The following ZMAT4 variants were observed in gnomAD, a reference collection of about 807,000 sequenced individuals.
ZMAT4 encodes zinc finger matrin-type 4.
A neutral mutation model predicts 28.7 loss-of-function variants in ZMAT4; 17 were observed. The ratio of observed to expected loss-of-function variants is 0.59; its 90% CI spans 0.41 to 0.89. The LOEUF (loss-of-function observed/expected upper bound fraction) is 0.89, where lower values mean the gene tolerates loss of function less well. Among genes scored for constraint, ZMAT4 ranks in the 40% least tolerant of loss-of-function variants. ZMAT4 has a pLI of 0.00. For synonymous variants in ZMAT4, 117 were observed against 109.2 expected (o/e 1.07, Z -0.44); for missense variants, 240 against 283.8 (o/e 0.85, Z 1.11).
At chr8:40,581,441 T>C (rs1020423401) in intron 5 of ZMAT4, among the ~76,000 whole-genome samples, 180 bp from the exon 6 acceptor site, 4 of 152,198 alleles carry the variant, frequency 2.6e-5, no homozygotes, top group African/African-American at 4.8e-5. Context: ...AGTGTAATTA[T>C]GAATATGTTA....
At chr8:40,616,503 T>C (rs552057235) in intron 5 of ZMAT4, among the ~76,000 whole-genome samples, 5 of 152,250 alleles carry the variant, frequency 3.3e-5, no homozygotes, top group Admixed American at 3.3e-4. Flanking sequence ...CCATCAATGA[T>C]AGACTGGATT....
At chr8:40,766,627 G>A (rs138536276) in intron 3 of ZMAT4, among the ~76,000 whole-genome samples, 1,791 of 152,318 alleles carry the variant, frequency 0.012, 15 homozygotes, top group Middle Eastern at 0.054. Context: ...CAGTGTTCCA[G>A]ATTAGTCTGT....
intron 2 of ZMAT4, among the ~76,000 whole-genome samples, chr8:40,808,955 T>A (rs1301368645): frequency 6.6e-6 from 1 of 152,140 alleles, no homozygotes; most frequent in Non-Finnish European, 1.5e-5. Context: ...CCTTTGGGTA[T>A]ATACCCAGTA....
chr8:40,534,091 T>A (rs1000432034), intron 6 of ZMAT4, among the ~76,000 whole-genome samples: 4 of 152,092 alleles, frequency 2.6e-5, no homozygotes, highest in African/African-American at 4.8e-5. Context: ...GTTTTTTTTT[T>A]AAACTTATAG....
chr8:40,821,573 G>A lies in ZMAT4; in HGVS notation c.102+4002C>T, dbSNP rs140053541. Among the ~76,000 whole-genome samples the A allele has an allele frequency of 6.5e-4, 99 of 152,164 alleles. 2 individuals are homozygous for A. The highest frequency in any genetic ancestry group is 3.3e-3 in the East Asian group (17 of 5,168). On this transcript the variant is annotated intron_variant, in intron 2 of 6. Transcript: ENST00000297737. ...ATATATTAGGTTTTTCTGTCCTCTCGTGCAAAGGTTCAGCCTTTTAAATGG... is the reference window on the plus strand; with the variant it reads ...ATATATTAGGTTTTTCTGTCCTCTCATGCAAAGGTTCAGCCTTTTAAATGG...
intron 1 of ZMAT4, among the ~76,000 whole-genome samples, chr8:40,894,660 T>C (rs1818807797): frequency 6.6e-6 from 1 of 152,102 alleles, no homozygotes; most frequent in South Asian, 2.1e-4. Flanking sequence ...TCACCCCACC[T>C]TGAATACATG....
chr8:40,685,214 T>G (rs1048208412), intron 4 of ZMAT4, among the ~76,000 whole-genome samples: 1 of 152,098 alleles, frequency 6.6e-6, no homozygotes, highest in Admixed American at 6.6e-5. Flanking sequence ...CTCTGCTCCA[T>G]CATGTCAAGT....
chr8:40,879,342 G>C (rs952047939), intron 1 of ZMAT4, among the ~76,000 whole-genome samples: 8 of 152,174 alleles, frequency 5.3e-5, no homozygotes, highest in Non-Finnish European at 7.4e-5. Context: ...GGGAGCCCTT[G>C]AACCCAGGAC....
rs576079202 is a variant in ZMAT4, at chr8:40,765,095, G to A, written c.192+2546C>T. Reference sequence around the variant, plus strand: ...GTGTTCCTCTTGCCAGCATCCCAAAGTTCCGGGTTTACAGGTGTGAGCCAC... The same window carrying A: ...GTGTTCCTCTTGCCAGCATCCCAAAATTCCGGGTTTACAGGTGTGAGCCAC... On this transcript the variant is annotated intron_variant, in intron 3 of 6. Coordinates refer to ENST00000297737, the MANE Select transcript of ZMAT4 (RefSeq NM_024645.3). Among the ~76,000 whole-genome samples the A allele has an allele frequency of 1.2e-3, 187 of 152,192 alleles. 2 individuals are homozygous for A. The highest frequency in any genetic ancestry group is 4.4e-3 in the African/African-American group (182 of 41,520).
At chr8:40,664,577 C>G (rs745946613) in intron 5 of ZMAT4, among the ~76,000 whole-genome samples, 2 of 152,198 alleles carry the variant, frequency 1.3e-5, no homozygotes, top group Non-Finnish European at 2.9e-5. Context: ...AGTAGACCCT[C>G]CAGCCTCGTT....
At chr8:40,569,240 C>T (rs1278085390) in intron 6 of ZMAT4, among the ~76,000 whole-genome samples, 2 of 152,172 alleles carry the variant, frequency 1.3e-5, no homozygotes, top group Non-Finnish European at 2.9e-5. Flanking sequence ...TCCCAACTTA[C>T]CTTCTCTCCC....
At chr8:40,565,231 A>G (rs1045257128) in intron 6 of ZMAT4, among the ~76,000 whole-genome samples, 5 of 152,186 alleles carry the variant, frequency 3.3e-5, no homozygotes, top group African/African-American at 1.2e-4. Flanking sequence ...ATCCTCATAT[A>G]TAAGTGATGA....
At chr8:40,862,078 C>G (rs1428656370) in intron 1 of ZMAT4, among the ~76,000 whole-genome samples, 2 of 151,982 alleles carry the variant, frequency 1.3e-5, no homozygotes, top group South Asian at 2.1e-4. Context: ...GGGTATATAC[C>G]CAAAGGATTA....
At chr8:40,764,826 ATAT>A (rs1000259502) in intron 3 of ZMAT4, among the ~76,000 whole-genome samples, 5 of 151,978 alleles carry the variant, frequency 3.3e-5, no homozygotes, top group South Asian at 2.1e-4. Context: ...TATACCTTCG[ATAT>A]TATTATTATT....
intron 6 of ZMAT4, 130 bp from the exon 7 acceptor site, chr8:40,532,368 T>C: frequency 1.5e-6 from 1 of 653,542 alleles, no homozygotes; most frequent in Non-Finnish European, 2.4e-6. Flanking sequence ...CAAATGCATC[T>C]GAATTTGTAA....
intron 5 of ZMAT4, among the ~76,000 whole-genome samples, chr8:40,597,055 T>C (rs1805130445): frequency 6.6e-6 from 1 of 152,224 alleles, no homozygotes; most frequent in African/African-American, 2.4e-5. Context: ...TTTAAGATTA[T>C]AATCTATGTG....
At chr8:40,538,213 A>G (rs922372979) in intron 6 of ZMAT4, among the ~76,000 whole-genome samples, 2 of 152,158 alleles carry the variant, frequency 1.3e-5, no homozygotes, top group African/African-American at 4.8e-5. Context: ...GCAAATAAAA[A>G]CTTGTGCCTC....
chr8:40,828,677 G>T (rs1041118060), intron 1 of ZMAT4, among the ~76,000 whole-genome samples: 4 of 152,110 alleles, frequency 2.6e-5, no homozygotes, highest in African/African-American at 9.7e-5. Flanking sequence ...CTCTGAAATC[G>T]ATGACACCTG....
chr8:40,630,360 G>C (rs1432063809), intron 5 of ZMAT4, among the ~76,000 whole-genome samples: 1 of 152,186 alleles, frequency 6.6e-6, no homozygotes, highest in African/African-American at 2.4e-5. Flanking sequence ...GCGTTTAGTG[G>C]ATTATCTTCT....
Sources: allele counts gnomAD v4.1 joint callset (sites outside exome capture counted in the v4.1 genomes callset), GRCh38; gene constraint gnomAD v4.1.1; transcripts MANE v1.5; gene names NCBI Gene and HGNC (gene_info 2026-07-23, HGNC 2026-07-21).